VTI1A: variants seen among roughly 807,000 people sequenced by gnomAD.
VTI1A encodes vesicle transport through interaction with t-SNAREs homolog 1A.
Under a neutral mutation model 34.9 loss-of-function variants are expected in VTI1A, and 22 were observed. The ratio of observed to expected loss-of-function variants is 0.63; its 90% CI spans 0.45 to 0.90. The LOEUF (loss-of-function observed/expected upper bound fraction) is 0.90, where lower values mean the gene tolerates loss of function less well. Among genes scored for constraint, VTI1A ranks in the 40% least tolerant of loss-of-function variants. VTI1A has a pLI of 0.00. For synonymous variants in VTI1A, 87 were observed against 97.3 expected (o/e 0.89, Z 0.62); for missense variants, 268 against 275.6 (o/e 0.97, Z 0.20).
At chr10:112,553,802 G>A (rs1851452426) in intron 5 of VTI1A, among the ~76,000 whole-genome samples, 1 of 152,228 alleles carries the variant, frequency 6.6e-6, no homozygotes, top group Admixed American at 6.5e-5. Context: ...GGGAAGTACA[G>A]TTCCAACTGA....
chr10:112,718,970 C>T (rs1013889902), intron 7 of VTI1A, among the ~76,000 whole-genome samples: 3 of 152,200 alleles, frequency 2.0e-5, no homozygotes, highest in East Asian at 1.9e-4. Flanking sequence ...TTTGTGTCTG[C>T]TTTCATTCAC....
chr10:112,818,981 G>A (rs968182591), downstream of VTI1A, among the ~76,000 whole-genome samples: 1 of 151,988 alleles, frequency 6.6e-6, no homozygotes, highest in Admixed American at 6.6e-5. Flanking sequence ...TATCTTATTC[G>A]AAGGGGCAAC....
At chr10:112,677,401 C>G (rs1848070984) in intron 7 of VTI1A, among the ~76,000 whole-genome samples, 1 of 152,178 alleles carries the variant, frequency 6.6e-6, no homozygotes, top group African/African-American at 2.4e-5. Flanking sequence ...TGAACATCAT[C>G]CACTTTGCAT....
At position 112,447,319 on chromosome 10, in the gene VTI1A, C is replaced by A; in HGVS notation, c.-55C>A. 6.4e-7 allele frequency: 1 copy of A among 1,571,386 alleles called. No homozygotes were observed. The highest frequency in any genetic ancestry group is 1.4e-5 in the African/African-American group (1 of 73,976). ...AGCCGCGGGGCCCCTCGCTGCCCCT[C>A]GAGGCCCTTTCCCTGACCTAGGCTT... On this transcript the variant is annotated 5_prime_UTR_variant, in exon 1 of 8. Transcript: ENST00000393077.
Position 112,538,249 on chromosome 10 carries a change from G to A in VTI1A, c.346G>A (p.Ala116Thr). 6.2e-7 allele frequency: 1 copy of A among 1,612,948 alleles called. No individual in the cohort carries two copies. Among genetic ancestry groups the A allele is most frequent in the East Asian group, 2.2e-5 (1 of 44,830 alleles). Residue 116 changes from alanine (A) to threonine (T), a missense_variant, in exon 5 of 8, where the codon GCA (alanine) becomes ACA (threonine). Ala to Thr is a moderately conservative substitution (Grantham distance 58). Transcript: ENST00000393077. ...DDGNSSENQR[A>T]HLLDNTERLE... Reference sequence around the variant, plus strand: ...TTTCCCCCTTTTTCTTTTTCAGAGGGCACATCTGCTCGATAACACAGAGAG... The same window carrying A: ...TTTCCCCCTTTTTCTTTTTCAGAGGACACATCTGCTCGATAACACAGAGAG...
At chr10:112,762,442 G>C (rs761707241) in intron 7 of VTI1A, among the ~76,000 whole-genome samples, 4 of 152,202 alleles carry the variant, frequency 2.6e-5, no homozygotes, top group Non-Finnish European at 5.9e-5. Context: ...CGTAGTTAAA[G>C]CTTCCTAAAG....
chr10:112,535,237 CAG>C (rs1325387868), intron 4 of VTI1A, among the ~76,000 whole-genome samples: 1 of 152,104 alleles, frequency 6.6e-6, no homozygotes, highest in Non-Finnish European at 1.5e-5. Context: ...AATCAACTAA[CAG>C]AATAATATAC....
chr10:112,771,503 G>T (rs1203131033), intron 7 of VTI1A, among the ~76,000 whole-genome samples: 1 of 152,184 alleles, frequency 6.6e-6, no homozygotes. Flanking sequence ...TAGTTTGGTG[G>T]TTTCAGGGAG....
downstream of VTI1A, among the ~76,000 whole-genome samples, chr10:112,820,831 G>A (rs1402771065): frequency 2.0e-5 from 3 of 152,166 alleles, no homozygotes; most frequent in South Asian, 2.1e-4. Flanking sequence ...GATGGGGCAC[G>A]ATATGTTGGG....
At chr10:112,539,432 G>GA (rs1457402277) in intron 5 of VTI1A, among the ~76,000 whole-genome samples, 26 of 152,260 alleles carry the variant, frequency 1.7e-4, no homozygotes, top group Admixed American at 8.5e-4. Flanking sequence ...TATTAATAGT[G>GA]AAAAAACTAA....
At chr10:112,523,593 G>A (rs892968259) in intron 3 of VTI1A, among the ~76,000 whole-genome samples, 5 of 150,880 alleles carry the variant, frequency 3.3e-5, no homozygotes, top group African/African-American at 9.9e-5. Flanking sequence ...TGTGGGTGGC[G>A]GGGGGAGGCA....
chr10:112,553,701 A>AG (rs1292975342), intron 5 of VTI1A, among the ~76,000 whole-genome samples: 1 of 152,222 alleles, frequency 6.6e-6, no homozygotes, highest in African/African-American at 2.4e-5. Flanking sequence ...AAAGTGGAGA[A>AG]GGTATACCCA....
chr10:112,550,952 G>T (rs953571195), intron 5 of VTI1A, among the ~76,000 whole-genome samples: 3 of 152,080 alleles, frequency 2.0e-5, no homozygotes, highest in African/African-American at 7.2e-5. Context: ...TTTATATAAA[G>T]TACCTTCACG....
intron 7 of VTI1A, among the ~76,000 whole-genome samples, chr10:112,753,374 C>CTTTTATTTT (rs1193429660): frequency 6.6e-6 from 1 of 151,952 alleles, no homozygotes; most frequent in Non-Finnish European, 1.5e-5. Context: ...TTAAGTTTGT[C>CTTTTATTTT]TTTTATTTTT....
rs772573758 is a variant in VTI1A, at chr10:112,460,574, A to C, written c.145A>C (p.Lys49Gln). Residue 49 changes from lysine to glutamine, a missense_variant, in exon 2 of 8, where the codon AAA (lysine) becomes CAA (glutamine). Lys to Gln is a moderately conservative substitution (Grantham distance 53, BLOSUM62 1). Coordinates refer to ENST00000393077, the MANE Select transcript of VTI1A (RefSeq NM_145206.4). ...ANVEKQLEEA[K>Q]ELLEQMDLEV... ...TGTGGAGAAACAGCTTGAAGAAGCGAAAGAACTGGTATGTACAGACAGTAA... is the reference window on the plus strand; with the variant it reads ...TGTGGAGAAACAGCTTGAAGAAGCGCAAGAACTGGTATGTACAGACAGTAA... 1 of 1,609,240 alleles carries C rather than the reference A, an allele frequency of 6.2e-7. No individual in the cohort carries two copies. The highest frequency in any genetic ancestry group is 1.1e-5 in the South Asian group (1 of 89,780).
chr10:112,686,317 A>T (rs1848410551), intron 7 of VTI1A, among the ~76,000 whole-genome samples: 1 of 152,060 alleles, frequency 6.6e-6, no homozygotes, highest in African/African-American at 2.4e-5. Flanking sequence ...TGGTGGTGTA[A>T]ATTTTCATCA....
chr10:112,557,857 A>G (rs923274166), intron 5 of VTI1A, among the ~76,000 whole-genome samples: 4 of 152,238 alleles, frequency 2.6e-5, no homozygotes, highest in African/African-American at 9.6e-5. Context: ...GGGCTCCACC[A>G]TGTAGATGAA....
the VTI1A span, among the ~76,000 whole-genome samples, chr10:112,830,849 A>ATATATATATATATATTTTTTTTTTTTTT: frequency 3.0e-5 from 1 of 33,512 alleles, no homozygotes; most frequent in Non-Finnish European, 4.9e-5. Flanking sequence ...ATATATATAT[A>ATATATATATATATATTTTTTTTTTTTTT]TTTTTTTTTT....
chr10:112,645,300 C>A (rs963688233), intron 5 of VTI1A, among the ~76,000 whole-genome samples: 1 of 152,202 alleles, frequency 6.6e-6, no homozygotes, highest in Non-Finnish European at 1.5e-5. Flanking sequence ...TCCCCTTTGC[C>A]ACCTATCTTA....
Sources: gnomAD v4.1 joint callset for allele counts (sites outside exome capture counted in the v4.1 genomes callset) on GRCh38, gnomAD v4.1.1 for gene constraint, MANE v1.5 for transcripts, NCBI Gene and HGNC (gene_info 2026-07-23, HGNC 2026-07-21) for gene names.